Variants in KIF4A observed in about 807,000 individuals in gnomAD.
KIF4A encodes chromosome-associated kinesin KIF4A.
Under a neutral mutation model 105.9 loss-of-function variants are expected in KIF4A, and 7 were observed. The ratio of observed to expected loss-of-function variants is 0.07; its 90% CI spans 0.04 to 0.12. The LOEUF (loss-of-function observed/expected upper bound fraction) is 0.12. Among genes scored for constraint, KIF4A ranks in the 10% least tolerant of loss-of-function variants. The pLI is 1.00. For missense variants in KIF4A, 558 were observed against 929.2 expected (o/e 0.60, Z 5.19); for synonymous variants, 281 against 331.3 (o/e 0.85, Z 1.65).
chrX:70,378,427 A>T (rs192904222), intron 18 of KIF4A, among the ~76,000 whole-genome samples: 185 of 112,202 alleles, frequency 1.6e-3, no homozygotes, highest in Middle Eastern at 0.014. Flanking sequence ...AGGAAACATT[A>T]AAAGATTAGA....
intron 28 of KIF4A, among the ~76,000 whole-genome samples, chrX:70,412,334 T>C (rs1289663624): frequency 8.9e-6 from 1 of 112,048 alleles, no homozygotes; most frequent in Non-Finnish European, 1.9e-5. Flanking sequence ...TCCCAGTAGG[T>C]CTTGGCTGTG....
At chrX:70,376,932 T>C (rs2147723658) in intron 18 of KIF4A, among the ~76,000 whole-genome samples, 1 of 111,869 alleles carries the variant, frequency 8.9e-6, no homozygotes, top group East Asian at 2.8e-4. Context: ...AGATATTGTA[T>C]AATCCAGAAG....
intron 11 of KIF4A, among the ~76,000 whole-genome samples, chrX:70,342,316 C>G (rs772182035): frequency 5.3e-5 from 6 of 112,449 alleles, no homozygotes; most frequent in African/African-American, 1.9e-4. Context: ...TCTCTCTTCC[C>G]CTAATGTTGT....
At chrX:70,348,470 C>T (rs2087824653) in intron 13 of KIF4A, among the ~76,000 whole-genome samples, 1 of 111,043 alleles carries the variant, frequency 9.0e-6, no homozygotes, top group Admixed American at 9.5e-5. Flanking sequence ...GAACAAAGGT[C>T]TCTGGCTTTC....
chrX:70,303,186 T>C (rs1317523656), intron 7 of KIF4A, among the ~76,000 whole-genome samples: 2 of 112,292 alleles, frequency 1.8e-5, no homozygotes, highest in Non-Finnish European at 3.8e-5. Context: ...TCTAGACTTA[T>C]ATCAAACCCA....
rs1250206623 is a variant in KIF4A at position 70,301,949 on chromosome X, C to G, written c.566C>G (p.Ser189Cys). The G allele has an allele frequency of 8.3e-7, 1 of 1,211,439 alleles. No individual in the cohort carries two copies. The highest frequency in any genetic ancestry group is 1.1e-6 in the Non-Finnish European group (1 of 895,287). Reference sequence around the variant, plus strand: ...GTTTTGGTTGCCTTGGATACTGTTTCCTGTTTGGAACAGGGCAACAACTCT... The same window carrying G: ...GTTTTGGTTGCCTTGGATACTGTTTGCTGTTTGGAACAGGGCAACAACTCT... Reference protein sequence around the residue: ...KTVLVALDTVSCLEQGNNSRT... With the variant: ...KTVLVALDTVCCLEQGNNSRT... The change falls in exon 6 of 31, where the codon TCC (serine) becomes TGC (cysteine). Residue 189 changes from serine to cysteine, a missense_variant. Transcript: ENST00000374403.
chrX:70,335,206 C>A (rs926777511), intron 10 of KIF4A, among the ~76,000 whole-genome samples: 1 of 112,201 alleles, frequency 8.9e-6, no homozygotes, highest in African/African-American at 3.2e-5. Flanking sequence ...GAATATCATT[C>A]AGCCTTAAAA....
intron 15 of KIF4A, 130 bp from the exon 16 acceptor site, chrX:70,374,021 T>C (rs1395454489): frequency 2.9e-6 from 1 of 340,653 alleles, no homozygotes. Context: ...AAATCAAGAG[T>C]AAATGTTTTC....
chrX:70,297,065 A>C lies in KIF4A; in HGVS notation c.303A>C (p.Ala101=), dbSNP rs769264485. 3.1e-5 allele frequency: 37 copies of C among 1,210,452 alleles called. No homozygotes were observed. The highest frequency in any genetic ancestry group is 3.9e-5 in the Non-Finnish European group (35 of 895,211). The change falls in exon 4 of 31, where the codon GCA becomes GCC. Residue 101 remains alanine (A), a synonymous_variant. Coordinates refer to ENST00000374403, the MANE Select transcript of KIF4A (RefSeq NM_012310.5). ...GSGKTYSMGG[A]YTAEQENEPT... is the part of the protein sequence containing the mutation. ...GAAAAACCTATTCAATGGGAGGTGC[A>C]TATACTGCAGAGCAAGAGAATGAAC...
intron 4 of KIF4A, among the ~76,000 whole-genome samples, chrX:70,297,880 A>C (rs769874922): frequency 8.9e-6 from 1 of 111,985 alleles, no homozygotes; most frequent in African/African-American, 3.2e-5. Flanking sequence ...AAACTTATAT[A>C]ATTTAAGCAT....
At chrX:70,358,224 T>A (rs1162509463) in intron 15 of KIF4A, among the ~76,000 whole-genome samples, 1 of 111,616 alleles carries the variant, frequency 9.0e-6, no homozygotes, top group Non-Finnish European at 1.9e-5. Context: ...TTTTCTCGTT[T>A]ATTGTGCTTG....
chrX:70,297,196 A>G lies in KIF4A; in HGVS notation c.426+8A>G. On this transcript the variant is annotated splice_region_variant and intron_variant, in intron 4 of 30. Transcript: ENST00000374403. ...AAAGTGTCTTACTTAGAGGTAAGCA[A>G]TTTATGTTTAATTATTCTGAATTCG... 8.5e-7 allele frequency: 1 copy of G among 1,179,211 alleles called. No homozygotes were observed. Among genetic ancestry groups the G allele is most frequent in the Non-Finnish European group, 1.1e-6 (1 of 872,332 alleles).
intron 13 of KIF4A, among the ~76,000 whole-genome samples, chrX:70,349,942 C>T (rs1363220664): frequency 1.3e-5 from 1 of 77,104 alleles, no homozygotes; most frequent in African/African-American, 5.1e-5. Context: ...GGCGGCCGGG[C>T]AGAGGCGCTC....
chrX:70,353,537 G>T (rs1222483126), intron 14 of KIF4A, 85 bp from the exon 15 acceptor site: 10 of 797,352 alleles, frequency 1.3e-5, no homozygotes, highest in Admixed American at 6.5e-5. Context: ...TAATGGAGAA[G>T]TGCCTGTGAG....
chrX:70,357,186 C>G (rs1002926179), intron 15 of KIF4A, among the ~76,000 whole-genome samples: 1 of 111,049 alleles, frequency 9.0e-6, no homozygotes, highest in Non-Finnish European at 1.9e-5. Context: ...TGGTGGCGGG[C>G]GCCTGTAGTC....
chrX:70,412,333 G>C (rs2086325590), intron 28 of KIF4A, among the ~76,000 whole-genome samples: 2 of 111,806 alleles, frequency 1.8e-5, no homozygotes, highest in Non-Finnish European at 3.8e-5. Flanking sequence ...ATCCCAGTAG[G>C]TCTTGGCTGT....
At chrX:70,352,890 C>T (rs2086036960) in intron 14 of KIF4A, among the ~76,000 whole-genome samples, 1 of 111,675 alleles carries the variant, frequency 9.0e-6, no homozygotes, top group South Asian at 3.8e-4. Context: ...ATGTAATGTT[C>T]CATATTTGCA....
At chrX:70,301,834 C>A in intron 5 of KIF4A, 66 bp from the exon 6 acceptor site, 1 of 1,123,168 alleles carries the variant, frequency 8.9e-7, no homozygotes, top group Non-Finnish European at 1.2e-6. Context: ...AACCACCAAT[C>A]CCTATATTTC....
chrX:70,326,907 C>T (rs1051068325), intron 7 of KIF4A, among the ~76,000 whole-genome samples: 4 of 112,012 alleles, frequency 3.6e-5, no homozygotes, highest in Non-Finnish European at 7.5e-5. Context: ...AAAAAAAATG[C>T]CCACTTTATC....
Sources: gnomAD v4.1 joint callset for allele counts (sites outside exome capture counted in the v4.1 genomes callset) on GRCh38, gnomAD v4.1.1 for gene constraint, MANE v1.5 for transcripts, NCBI Gene and HGNC (gene_info 2026-07-23, HGNC 2026-07-21) for gene names.